LINGO2: variants seen among roughly 807,000 people sequenced by gnomAD.
The protein encoded by LINGO2 is leucine-rich repeat and immunoglobulin-like domain-containing nogo receptor-interacting protein 2.
LINGO2 carries 14 observed loss-of-function variants against 30.6 expected under a neutral mutation model. The observed-to-expected ratio is 0.46, with a 90% CI of 0.30 to 0.72. The LOEUF (loss-of-function observed/expected upper bound fraction) is 0.72, where lower values mean the gene tolerates loss of function less well. LINGO2 is among the 30% of genes least tolerant of loss of function. LINGO2 has a pLI of 0.07. For synonymous variants in LINGO2, 317 were observed against 288.5 expected, an observed-to-expected ratio of 1.10 and a Z score of -1.00; for missense variants, 729 against 751.7, an observed-to-expected ratio of 0.97 and a Z score of 0.35.
chr9:27,963,349 A>C (rs1304747987), intron 5 of LINGO2, among the ~76,000 whole-genome samples: 1 of 152,124 alleles, frequency 6.6e-6, no homozygotes, highest in African/African-American at 2.4e-5. Flanking sequence ...ACACTTCAGA[A>C]AGATGTCCTC....
At chr9:28,790,309 A>ATCTTT in the LINGO2 span, among the ~76,000 whole-genome samples, 5 of 127,606 alleles carry the variant, frequency 3.9e-5, no homozygotes, top group Admixed American at 3.8e-4. Context: ...TACTTTACCC[A>ATCTTT]TCTTTTCTTT....
chr9:29,077,021 T>C, the LINGO2 span, among the ~76,000 whole-genome samples: 2 of 152,126 alleles, frequency 1.3e-5, no homozygotes, highest in Non-Finnish European at 2.9e-5. Context: ...TATCAATGTC[T>C]GGTGGTGGTA....
At chr9:28,895,750 C>T in the LINGO2 span, among the ~76,000 whole-genome samples, 5 of 151,864 alleles carry the variant, frequency 3.3e-5, no homozygotes, top group African/African-American at 4.8e-5. Context: ...GAGGGAGAAC[C>T]GAGGGAGACA....
the LINGO2 span, among the ~76,000 whole-genome samples, chr9:28,761,078 A>G: frequency 6.6e-6 from 1 of 151,862 alleles, no homozygotes; most frequent in Non-Finnish European, 1.5e-5. Context: ...ATGCCTGTGC[A>G]AGTATCTTTT....
chr9:28,877,637 C>T, the LINGO2 span, among the ~76,000 whole-genome samples: 1 of 152,142 alleles, frequency 6.6e-6, no homozygotes, highest in African/African-American at 2.4e-5. Flanking sequence ...CAGTACCATG[C>T]TGTTTTGGTG....
intron 1 of LINGO2, among the ~76,000 whole-genome samples, chr9:28,578,674 T>G (rs143881981): frequency 6.6e-6 from 1 of 152,112 alleles, no homozygotes; most frequent in Non-Finnish European, 1.5e-5. Context: ...TAGTTATAAA[T>G]TCTGCTAAAA....
the LINGO2 span, among the ~76,000 whole-genome samples, chr9:29,023,139 G>A: frequency 6.2e-4 from 95 of 152,020 alleles, no homozygotes; most frequent in African/African-American, 2.3e-3. Flanking sequence ...AGAGAGACCT[G>A]GACACAACCG....
chr9:28,233,776 A>G (rs1347214425), intron 4 of LINGO2, among the ~76,000 whole-genome samples: 1 of 152,138 alleles, frequency 6.6e-6, no homozygotes, highest in Non-Finnish European at 1.5e-5. Flanking sequence ...CACCAGGTAG[A>G]GTTGTGAGGC....
intron 3 of LINGO2, among the ~76,000 whole-genome samples, chr9:28,311,390 A>T (rs1006494610): frequency 7.9e-5 from 12 of 152,146 alleles, no homozygotes; most frequent in African/African-American, 2.9e-4. Flanking sequence ...CAGTCTGACC[A>T]AAATTTATTA....
the LINGO2 span, among the ~76,000 whole-genome samples, chr9:29,128,276 A>G: frequency 5.3e-3 from 813 of 152,162 alleles, 11 homozygotes; most frequent in African/African-American, 0.018. Flanking sequence ...GATGCCCTAG[A>G]TGGAGGTTCT....
chr9:28,892,060 T>C, the LINGO2 span, among the ~76,000 whole-genome samples: 5 of 151,948 alleles, frequency 3.3e-5, no homozygotes, highest in East Asian at 5.8e-4. Context: ...GGTCTTTCTT[T>C]ATAAATTTTT....
the LINGO2 span, among the ~76,000 whole-genome samples, chr9:28,872,392 G>C: frequency 2.0e-5 from 3 of 151,958 alleles, no homozygotes; most frequent in Non-Finnish European, 4.4e-5. Flanking sequence ...CATTTAACAG[G>C]AAAGATAAGA....
Position 28,187,447 on chromosome 9 carries a change from G to A in LINGO2, c.-87+107761C>T, listed in dbSNP as rs536240638. Among the ~76,000 whole-genome samples the A allele has an allele frequency of 1.0e-4, 15 of 150,336 alleles. No homozygotes were observed. The South Asian group carries it at 3.0e-3, about 30-fold the overall frequency. On this transcript the variant is annotated intron_variant, in intron 4 of 5. Transcript: ENST00000379992. ...GGAGGTTGCAGTGAGCTGAGATGGC[G>A]CCACTGTACTCCAACCTGAGTGACA...
At chr9:28,048,102 G>A (rs1587765045) in intron 4 of LINGO2, among the ~76,000 whole-genome samples, 2 of 150,912 alleles carry the variant, frequency 1.3e-5, no homozygotes, top group Non-Finnish European at 2.9e-5. Context: ...TCAGTGAGAA[G>A]GGGTAGGAAA....
chr9:28,974,511 C>T, the LINGO2 span, among the ~76,000 whole-genome samples: 3 of 152,032 alleles, frequency 2.0e-5, no homozygotes, highest in Non-Finnish European at 4.4e-5. Flanking sequence ...TTTTTTATTG[C>T]TTATGCAAAC....
chr9:28,128,055 T>A (rs990548212), intron 4 of LINGO2, among the ~76,000 whole-genome samples: 3 of 152,210 alleles, frequency 2.0e-5, no homozygotes, highest in Non-Finnish European at 4.4e-5. Flanking sequence ...AATCTGTTAG[T>A]TAGGTACCTG....
chr9:29,166,643 G>T, the LINGO2 span, among the ~76,000 whole-genome samples: 2 of 152,082 alleles, frequency 1.3e-5, no homozygotes, highest in South Asian at 4.1e-4. Context: ...TTAATCACTA[G>T]TTCTAATTTA....
chr9:28,070,164 C>T (rs908704527), intron 4 of LINGO2, among the ~76,000 whole-genome samples: 4 of 152,122 alleles, frequency 2.6e-5, no homozygotes, highest in Non-Finnish European at 4.4e-5. Context: ...GTTTAAGGAC[C>T]CCCATTTCTA....
chr9:28,119,379 G>A (rs1587023475), intron 4 of LINGO2, among the ~76,000 whole-genome samples: 1 of 152,142 alleles, frequency 6.6e-6, no homozygotes, highest in Non-Finnish European at 1.5e-5. Flanking sequence ...TTAGAAGCAT[G>A]GGGTCTAGAA....
Sources: gnomAD v4.1 joint callset for allele counts (sites outside exome capture counted in the v4.1 genomes callset) on GRCh38, gnomAD v4.1.1 for gene constraint, MANE v1.5 for transcripts, NCBI Gene and HGNC (gene_info 2026-07-23, HGNC 2026-07-21) for gene names.